ROCK2: variants seen among roughly 807,000 people sequenced by gnomAD.
ROCK2 encodes Rho associated coiled-coil containing protein kinase 2.
ROCK2 carries 61 observed loss-of-function variants against 195.1 expected under a neutral mutation model. That is an observed-to-expected ratio of 0.31 (90% CI 0.25 to 0.39). The LOEUF (loss-of-function observed/expected upper bound fraction) is 0.39. Ranked by LOEUF, ROCK2 falls within the 10% of genes least tolerant of loss-of-function variation. ROCK2 has a pLI of 1.00. For missense variants in ROCK2, 1,109 were observed against 1,637.4 expected, an observed-to-expected ratio of 0.68 and a Z score of 5.57; for synonymous variants, 504 against 545.5, an observed-to-expected ratio of 0.92 and a Z score of 1.06.
chr2:11,236,949 G>C (rs1001271608), intron 4 of ROCK2, among the ~76,000 whole-genome samples: 3 of 152,198 alleles, frequency 2.0e-5, no homozygotes, highest in Admixed American at 2.0e-4. Context: ...TCAGGAGTTC[G>C]AGACCAGCCT....
In ROCK2 at chr2:11,198,740, A is replaced by G; in HGVS notation, c.2945T>C (p.Val982Ala). The change falls in exon 24 of 33, where the codon GTT becomes GCT. Residue 982 changes from valine to alanine, a missense_variant. Coordinates refer to ENST00000315872, the MANE Select transcript of ROCK2 (RefSeq NM_004850.5). ...EETNRTLTSD[V>A]ANLANEKEEL... ...TTCTTTCTCATTTGCAAGATTGGCA[A>G]CATCACTAGTTAGTGTCCTATTAGT... The G allele has an allele frequency of 6.2e-7, 1 of 1,610,024 alleles. No individual in the cohort carries two copies. Among genetic ancestry groups the G allele is most frequent in the Non-Finnish European group, 8.5e-7 (1 of 1,177,956 alleles).
intron 10 of ROCK2, 113 bp downstream of exon 10, chr2:11,218,853 G>C: frequency 1.7e-6 from 1 of 580,196 alleles, no homozygotes. Context: ...CACAAGGAAT[G>C]CCATCTCATG....
intron 7 of ROCK2, 86 bp from the exon 8 acceptor site, chr2:11,222,260 G>A (rs1360168003): frequency 2.8e-6 from 2 of 726,258 alleles, no homozygotes; most frequent in Non-Finnish European, 4.5e-6. Context: ...CCAAAATAAA[G>A]ATCTCAAGTA....
At chr2:11,326,965 AT>A (rs1388572100) in intron 1 of ROCK2, among the ~76,000 whole-genome samples, 5 of 152,212 alleles carry the variant, frequency 3.3e-5, no homozygotes, top group African/African-American at 1.2e-4. Context: ...GAAAAGAATG[AT>A]TAAAATAGCC....
rs139418972 is a variant in ROCK2 at position 11,301,543 on chromosome 2, G to A, written c.142-13807C>T. On this transcript the variant is annotated intron_variant, in intron 1 of 32. Coordinates refer to ENST00000315872, the MANE Select transcript of ROCK2 (RefSeq NM_004850.5). Reference sequence around the variant, plus strand: ...TGTAATCCCAGCACTTTGGGAGGCTGAGGCAGGCAGATCACCTGATGTCAG... The same window carrying A: ...TGTAATCCCAGCACTTTGGGAGGCTAAGGCAGGCAGATCACCTGATGTCAG... 3.9e-3 allele frequency among the ~76,000 whole-genome samples: 590 copies of A among 152,070 alleles called. 2 individuals carry two copies. The highest frequency in any genetic ancestry group is 0.013 in the African/African-American group (530 of 41,492).
chr2:11,309,494 T>A lies in ROCK2; in HGVS notation c.142-21758A>T, dbSNP rs577947306. ...TCTTACAACCTAACTGGTTCTTTGATAATGACTGAAATTTAAATTTGTAAA... is the reference window on the plus strand; with the variant it reads ...TCTTACAACCTAACTGGTTCTTTGAAAATGACTGAAATTTAAATTTGTAAA... On this transcript the variant is annotated intron_variant, in intron 1 of 32. Transcript: ENST00000315872. Among the ~76,000 whole-genome samples the A allele has an allele frequency of 2.0e-5, 3 of 152,348 alleles. No homozygotes were observed. The South Asian group carries it at 6.2e-4, about 32-fold the overall frequency.
At chr2:11,310,727 A>G (rs1224518087) in intron 1 of ROCK2, among the ~76,000 whole-genome samples, 3 of 152,152 alleles carry the variant, frequency 2.0e-5, no homozygotes, top group African/African-American at 7.2e-5. Flanking sequence ...GCTCAATTGA[A>G]GAAAGAATCA....
chr2:11,227,742 C>T (rs1418653313), intron 5 of ROCK2, among the ~76,000 whole-genome samples: 4 of 152,026 alleles, frequency 2.6e-5, no homozygotes, highest in African/African-American at 9.7e-5. Flanking sequence ...AAAATGTGGT[C>T]TTAAGGACAC....
intron 3 of ROCK2, among the ~76,000 whole-genome samples, chr2:11,279,426 G>A (rs1300503939): frequency 6.6e-6 from 1 of 152,110 alleles, no homozygotes; most frequent in African/African-American, 2.4e-5. Flanking sequence ...AGTTACCAGC[G>A]ATAAAAAAGG....
Position 11,208,274 on chromosome 2 carries a change from A to G in ROCK2, c.2364+13T>C. 2.2e-6 allele frequency: 3 copies of G among 1,357,312 alleles called. No individual in the cohort carries two copies. Among genetic ancestry groups the G allele is most frequent in the Non-Finnish European group, 2.9e-6 (3 of 1,024,236 alleles). The allele number at this position is 1,357,312 out of a possible 1,614,324, so 84.1% of individuals were successfully genotyped here. ...TTAGTTTATTATTAATCATTAGTACACTTAATACTTACATCCTCATTTAGC... is the reference window on the plus strand; with the variant it reads ...TTAGTTTATTATTAATCATTAGTACGCTTAATACTTACATCCTCATTTAGC... On this transcript the variant is annotated intron_variant, in intron 19 of 32. Transcript: ENST00000315872.
At position 11,302,614 on chromosome 2, in the gene ROCK2, C is replaced by G. The variant is rs144971905; in HGVS notation, c.142-14878G>C. Among the ~76,000 whole-genome samples, 1,285 of 152,274 alleles carry G rather than the reference C, an allele frequency of 8.4e-3. 17 individuals are homozygous for G. The highest frequency in any genetic ancestry group is 0.027 in the African/African-American group (1,133 of 41,528). ...TTTGTATTGTCCCATAGAGAAGGCA[C>G]TAGTTACATCTGGCTACCAAGCACC... On this transcript the variant is annotated intron_variant, in intron 1 of 32. Transcript: ENST00000315872.
chr2:11,247,776 T>C (rs947028804), intron 4 of ROCK2, among the ~76,000 whole-genome samples: 2 of 152,166 alleles, frequency 1.3e-5, no homozygotes, highest in African/African-American at 4.8e-5. Flanking sequence ...TCCCAGCACT[T>C]TGGGGGGCCA....
At chr2:11,254,756 A>AAAAG (rs1273592273) in intron 3 of ROCK2, among the ~76,000 whole-genome samples, 12 of 144,374 alleles carry the variant, frequency 8.3e-5, no homozygotes, top group Non-Finnish European at 1.5e-4. Flanking sequence ...AAAAAAAAAA[A>AAAAG]GGTAGAGAAA....
Position 11,197,234 on chromosome 2 carries a change from T to G in ROCK2, c.3394A>C (p.Ser1132Arg). 1 of 1,613,678 alleles carries G rather than the reference T, an allele frequency of 6.2e-7. No individual in the cohort carries two copies. Among genetic ancestry groups the G allele is most frequent in the Non-Finnish European group, 8.5e-7 (1 of 1,179,764 alleles). The change falls in exon 27 of 33, where the codon AGT (serine) becomes CGT (arginine). Residue 1132 changes from serine (S) to arginine (R), a missense_variant. Ser to Arg is a moderately radical substitution (Grantham distance 110). Transcript: ENST00000315872. The surrounding 1 kb of genome is among the most constrained non-coding windows in gnomAD (Gnocchi z 4.9). ...QLQALHIGLD[S>R]SSIGSGPGDA... Reference sequence around the variant, plus strand: ...CCTGGTCCACTGCCTATACTGGAACTATCCAGACCAATATGCAAGGCTTGG... The same window carrying G: ...CCTGGTCCACTGCCTATACTGGAACGATCCAGACCAATATGCAAGGCTTGG...
chr2:11,201,738 A>G lies in ROCK2; in HGVS notation c.2619+314T>C, dbSNP rs1014820584. ...AAAAAAATGTTATTGGCTTAAATCAATAAAACAGGAGTTTCTACTTCATAT... is the reference window on the plus strand; with the variant it reads ...AAAAAAATGTTATTGGCTTAAATCAGTAAAACAGGAGTTTCTACTTCATAT... On this transcript the variant is annotated intron_variant, in intron 21 of 32. Coordinates refer to ENST00000315872, the MANE Select transcript of ROCK2 (RefSeq NM_004850.5). The surrounding 1 kb of genome is among the most constrained non-coding windows in gnomAD (Gnocchi z 4.6). Among the ~76,000 whole-genome samples, 9 of 152,374 alleles carry G rather than the reference A, an allele frequency of 5.9e-5. No homozygotes were observed. Among genetic ancestry groups the G allele is most frequent in the Middle Eastern group, 3.4e-3 (1 of 294 alleles).
intron 1 of ROCK2, among the ~76,000 whole-genome samples, chr2:11,327,727 T>C (rs1490479228): frequency 6.6e-6 from 1 of 152,136 alleles, no homozygotes; most frequent in Non-Finnish European, 1.5e-5. Context: ...CACACTTGGC[T>C]AATTTTTGTA....
chr2:11,253,152 T>C (rs973658563), intron 3 of ROCK2, among the ~76,000 whole-genome samples: 4 of 152,044 alleles, frequency 2.6e-5, no homozygotes, highest in East Asian at 1.9e-4. Context: ...ACAAATTATA[T>C]AGTTACCCTA....
At chr2:11,255,534 CT>C (rs1665998836) in intron 3 of ROCK2, among the ~76,000 whole-genome samples, 2 of 150,834 alleles carry the variant, frequency 1.3e-5, no homozygotes, top group Non-Finnish European at 2.9e-5. Flanking sequence ...TTAAAAATAG[CT>C]CTTATAAATA....
At chr2:11,287,808 TTTTA>T in intron 1 of ROCK2, 72 bp from the exon 2 acceptor site, 1 of 561,322 alleles carries the variant, frequency 1.8e-6, no homozygotes, top group South Asian at 5.6e-5. Flanking sequence ...AGTCTTTTAA[TTTTA>T]TTTATGTCAT....
Sources: gnomAD v4.1 joint callset for allele counts (sites outside exome capture counted in the v4.1 genomes callset) on GRCh38, gnomAD v4.1.1 for gene constraint, Gnocchi (gnomAD v3.1) non-coding constraint, MANE v1.5 for transcripts, NCBI Gene and HGNC (gene_info 2026-07-23, HGNC 2026-07-21) for gene names.